The following PARD3B variants were observed in gnomAD, a reference collection of about 807,000 sequenced individuals.
PARD3B encodes partitioning defective 3 homolog B.
PARD3B carries 103 observed loss-of-function variants against 130.2 expected under a neutral mutation model. The observed-to-expected ratio is 0.79, with a 90% CI of 0.67 to 0.93. The LOEUF (loss-of-function observed/expected upper bound fraction) is 0.93. Among genes scored for constraint, PARD3B ranks in the 40% least tolerant of loss-of-function variants. The pLI is 0.00. For synonymous variants in PARD3B, 583 were observed against 553.2 expected (o/e 1.05, Z -0.76); for missense variants, 1,609 against 1,499.2 (o/e 1.07, Z -1.21).
At chr2:205,479,609 C>T (rs954505537) in intron 20 of PARD3B, among the ~76,000 whole-genome samples, 1 of 152,228 alleles carries the variant, frequency 6.6e-6, no homozygotes, top group African/African-American at 2.4e-5. Flanking sequence ...TTTTCTCCAG[C>T]TTCGTGACCA....
intron 2 of PARD3B, among the ~76,000 whole-genome samples, chr2:204,781,318 A>T (rs1481816477): frequency 6.6e-6 from 1 of 152,154 alleles, no homozygotes; most frequent in East Asian, 1.9e-4. Flanking sequence ...TAAGCAAAGT[A>T]TCATAATATT....
At chr2:205,322,034 C>G (rs930310043) in intron 18 of PARD3B, among the ~76,000 whole-genome samples, 1 of 152,202 alleles carries the variant, frequency 6.6e-6, no homozygotes, top group Non-Finnish European at 1.5e-5. Context: ...AATACCATCT[C>G]TTTCTCAGAC....
At chr2:204,816,031 G>T (rs976377423) in intron 2 of PARD3B, among the ~76,000 whole-genome samples, 7 of 151,804 alleles carry the variant, frequency 4.6e-5, no homozygotes, top group African/African-American at 1.7e-4. Context: ...TTTTTTGTTT[G>T]TTGAATCAAA....
intron 1 of PARD3B, among the ~76,000 whole-genome samples, chr2:204,581,395 C>A (rs192064804): frequency 1.2e-4 from 19 of 152,166 alleles, no homozygotes; most frequent in East Asian, 1.2e-3. Flanking sequence ...TTGTTATGAA[C>A]TGATAAATGC....
chr2:204,556,121 A>G (rs2030906660), intron 1 of PARD3B, among the ~76,000 whole-genome samples: 1 of 152,216 alleles, frequency 6.6e-6, no homozygotes, highest in Non-Finnish European at 1.5e-5. Flanking sequence ...TTTCAAAGAA[A>G]TAATTATTTT....
chr2:204,840,957 C>T (rs2044239495), intron 2 of PARD3B, among the ~76,000 whole-genome samples: 1 of 152,052 alleles, frequency 6.6e-6, no homozygotes. Flanking sequence ...GGTCAGGCAT[C>T]CACTAGGGGT....
Position 205,241,255 on chromosome 2 carries a change from A to G in PARD3B, c.2141-4523A>G, listed in dbSNP as rs752522205. The stretch of plus-strand genomic sequence containing the variant: ...TGTCCTCTTTATTAAGCACCTTATG[A>G]TAATTAGGTAAAATAATGTACATCA... On this transcript the variant is annotated intron_variant, in intron 15 of 22. Coordinates refer to ENST00000406610, the MANE Select transcript of PARD3B (RefSeq NM_001302769.2). This position sits in a 1 kb window ranked among gnomAD's most constrained non-coding sequence, Gnocchi z 4.2. Among the ~76,000 whole-genome samples, 1 of 152,182 alleles carries G rather than the reference A, an allele frequency of 6.6e-6. No individual in the cohort carries two copies. The highest frequency in any genetic ancestry group is 1.5e-5 in the Non-Finnish European group (1 of 68,010).
chr2:204,917,507 TG>T (rs2047493387), intron 2 of PARD3B, among the ~76,000 whole-genome samples: 1 of 152,228 alleles, frequency 6.6e-6, no homozygotes, highest in South Asian at 2.1e-4. Flanking sequence ...TTTGCTGAGC[TG>T]GGGAATTCTA....
At chr2:204,927,743 G>A (rs1559267521) in intron 2 of PARD3B, among the ~76,000 whole-genome samples, 1 of 152,066 alleles carries the variant, frequency 6.6e-6, no homozygotes, top group Non-Finnish European at 1.5e-5. Flanking sequence ...CATTACTTGT[G>A]CTCCTTAATA....
At chr2:205,471,353 C>CTTTTTTTTTT (rs769669913) in intron 20 of PARD3B, among the ~76,000 whole-genome samples, 9 of 85,402 alleles carry the variant, frequency 1.1e-4, no homozygotes, top group African/African-American at 2.8e-4. Context: ...ACTCACTTTT[C>CTTTTTTTTTT]TTTTTTTTTT....
At chr2:205,451,348 C>T (rs2048097301) in intron 20 of PARD3B, among the ~76,000 whole-genome samples, 1 of 143,638 alleles carries the variant, frequency 7.0e-6, no homozygotes. Context: ...AAAAGATTTA[C>T]TCTAGTGGCA....
chr2:205,154,666 A>G (rs2033994260), intron 10 of PARD3B, among the ~76,000 whole-genome samples: 1 of 152,244 alleles, frequency 6.6e-6, no homozygotes. Context: ...TCAATGACAG[A>G]CTGGATTAAG....
chr2:205,250,993 G>A (rs2039822087), intron 16 of PARD3B, among the ~76,000 whole-genome samples: 2 of 152,124 alleles, frequency 1.3e-5, no homozygotes, highest in South Asian at 4.1e-4. Context: ...TTGGGGTAAG[G>A]ATATGAACCC....
intron 3 of PARD3B, among the ~76,000 whole-genome samples, chr2:205,019,057 G>A (rs1363683594): frequency 6.6e-6 from 1 of 151,984 alleles, no homozygotes; most frequent in Non-Finnish European, 1.5e-5. Context: ...ACATAGTTTT[G>A]CAGCCATCAT....
chr2:204,705,056 T>C (rs1162636240), intron 2 of PARD3B, among the ~76,000 whole-genome samples: 1 of 152,176 alleles, frequency 6.6e-6, no homozygotes, highest in African/African-American at 2.4e-5. Flanking sequence ...GAAAAACTGC[T>C]CAGTGCTTGC....
At chr2:205,016,417 A>C (rs1474790884) in intron 3 of PARD3B, among the ~76,000 whole-genome samples, 1 of 152,004 alleles carries the variant, frequency 6.6e-6, no homozygotes, top group Non-Finnish European at 1.5e-5. Context: ...TCACTTACCC[A>C]ACTCTCATTC....
At chr2:204,662,961 A>T (rs181951674) in intron 1 of PARD3B, among the ~76,000 whole-genome samples, 1 of 152,300 alleles carries the variant, frequency 6.6e-6, no homozygotes, top group East Asian at 1.9e-4. Flanking sequence ...CCTGGTTTGC[A>T]TTATCAGATT....
intron 1 of PARD3B, among the ~76,000 whole-genome samples, chr2:204,578,894 G>A (rs1431414475): frequency 6.6e-6 from 1 of 152,042 alleles, no homozygotes; most frequent in African/African-American, 2.4e-5. Context: ...AATAGGGCAG[G>A]AAAATATCAC....
In PARD3B at chr2:205,550,500, A is replaced by G. The variant is rs1473339684; in HGVS notation, c.3181-2824A>G. On this transcript the variant is annotated intron_variant, in intron 21 of 22. Transcript: ENST00000406610. This position sits in a 1 kb window ranked among gnomAD's most constrained non-coding sequence, Gnocchi z 4.5. Reference sequence around the variant, plus strand: ...TTTCTTATGTGCAAGCTTGCTGCCTATCTTTTGAAGACTGGCCCAAGTTCT... The same window carrying G: ...TTTCTTATGTGCAAGCTTGCTGCCTGTCTTTTGAAGACTGGCCCAAGTTCT... 6.6e-6 allele frequency among the ~76,000 whole-genome samples: 1 copy of G among 152,190 alleles called. No individual in the cohort carries two copies. The highest frequency in any genetic ancestry group is 1.9e-4 in the East Asian group (1 of 5,196).
Sources: allele counts gnomAD v4.1 joint callset (sites outside exome capture counted in the v4.1 genomes callset), GRCh38; gene constraint gnomAD v4.1.1; non-coding constraint Gnocchi (gnomAD v3.1); transcripts MANE v1.5; gene names NCBI Gene and HGNC (gene_info 2026-07-23, HGNC 2026-07-21).